Variants in CALN1 observed in about 807,000 individuals in gnomAD.
The protein encoded by CALN1 is calcium-binding protein 8.
Under a neutral mutation model 30.6 loss-of-function variants are expected in CALN1, and 17 were observed. The observed-to-expected ratio is 0.56, with a 90% CI of 0.38 to 0.83. The LOEUF (loss-of-function observed/expected upper bound fraction) is 0.83, where lower values mean the gene tolerates loss of function less well. Among genes scored for constraint, CALN1 ranks in the 40% least tolerant of loss-of-function variants. CALN1 has a pLI of 0.00. For synonymous variants in CALN1, 156 were observed against 131.4 expected (o/e 1.19, Z -1.28); for missense variants, 291 against 354.9 (o/e 0.82, Z 1.45).
intron 3 of CALN1, among the ~76,000 whole-genome samples, chr7:72,182,207 G>A (rs986413008): frequency 1.3e-5 from 2 of 152,076 alleles, no homozygotes; most frequent in East Asian, 1.9e-4. Context: ...CAGCTGGATC[G>A]CTCAGCCTTG....
intron 2 of CALN1, among the ~76,000 whole-genome samples, chr7:72,356,771 A>C (rs1019187028): frequency 4.6e-5 from 7 of 152,076 alleles, no homozygotes; most frequent in African/African-American, 1.7e-4. Flanking sequence ...TAAGAGAAGA[A>C]AATCAAAATA....
intron 3 of CALN1, among the ~76,000 whole-genome samples, chr7:72,147,485 G>GTGGAGAAATAGGAACACGT (rs1786849775): frequency 4.5e-5 from 4 of 88,818 alleles, no homozygotes; most frequent in African/African-American, 8.6e-5. Context: ...GGAGAGGACT[G>GTGGAGAAATAGGAACACGT]TTACACTGTT....
chr7:72,191,739 C>A (rs1301996679), intron 3 of CALN1, among the ~76,000 whole-genome samples: 1 of 151,992 alleles, frequency 6.6e-6, no homozygotes, highest in Non-Finnish European at 1.5e-5. Flanking sequence ...TGGCTTAAAA[C>A]CACACAAGTT....
intron 2 of CALN1, among the ~76,000 whole-genome samples, chr7:72,373,595 A>G (rs1023863803): frequency 1.3e-5 from 2 of 152,232 alleles, no homozygotes; most frequent in African/African-American, 2.4e-5. Flanking sequence ...ATAGGCTAAT[A>G]TAAGTTTTCT....
chr7:72,350,458 G>C (rs2129559248), intron 2 of CALN1, among the ~76,000 whole-genome samples: 1 of 152,314 alleles, frequency 6.6e-6, no homozygotes, highest in African/African-American at 2.4e-5. Context: ...CCATAAAAAA[G>C]AATGAGATCA....
intron 5 of CALN1, among the ~76,000 whole-genome samples, chr7:71,845,514 T>C (rs529782969): frequency 1.1e-3 from 168 of 152,306 alleles, no homozygotes; most frequent in African/African-American, 3.8e-3. Context: ...CCTCTTCTAC[T>C]TTGCCCTCTG....
At chr7:72,250,517 G>T (rs1795479913) in intron 3 of CALN1, among the ~76,000 whole-genome samples, 1 of 152,142 alleles carries the variant, frequency 6.6e-6, no homozygotes, top group Non-Finnish European at 1.5e-5. Context: ...CTGACATATA[G>T]TTCAGATGTC....
intron 5 of CALN1, among the ~76,000 whole-genome samples, chr7:71,841,622 C>T (rs1427627394): frequency 1.3e-5 from 2 of 152,126 alleles, no homozygotes; most frequent in East Asian, 1.9e-4. Flanking sequence ...AGATGGTGGA[C>T]TGGATAAAGA....
chr7:72,437,104 T>C (rs1454481899), intron 1 of CALN1, among the ~76,000 whole-genome samples: 1 of 151,566 alleles, frequency 6.6e-6, no homozygotes, highest in Non-Finnish European at 1.5e-5. Context: ...TAGATGATTT[T>C]GGTGCTTGCT....
At chr7:71,914,860 C>G (rs1432274856) in intron 5 of CALN1, among the ~76,000 whole-genome samples, 2 of 152,140 alleles carry the variant, frequency 1.3e-5, no homozygotes, top group African/African-American at 4.8e-5. Flanking sequence ...TGAAAAGTGT[C>G]TGTTCATGTC....
chr7:72,474,757 C>T, the CALN1 span, among the ~76,000 whole-genome samples: 34 of 152,188 alleles, frequency 2.2e-4, no homozygotes, highest in South Asian at 2.3e-3. Flanking sequence ...TTGGGCAGGA[C>T]ATATAAAGCC....
intron 3 of CALN1, among the ~76,000 whole-genome samples, chr7:72,246,106 T>A (rs952690917): frequency 6.6e-6 from 1 of 152,170 alleles, no homozygotes; most frequent in Non-Finnish European, 1.5e-5. Flanking sequence ...TCCAGACACT[T>A]TATTATGATA....
chr7:71,907,384 G>A (rs1195342837), intron 5 of CALN1, among the ~76,000 whole-genome samples: 1 of 152,104 alleles, frequency 6.6e-6, no homozygotes, highest in Non-Finnish European at 1.5e-5. Context: ...CAAATTGGGG[G>A]CCATGTGCAC....
intron 2 of CALN1, among the ~76,000 whole-genome samples, chr7:72,340,615 G>A (rs7786833): frequency 0.37 from 55,993 of 152,018 alleles, 11,122 homozygotes; most frequent in Admixed American, 0.44. Flanking sequence ...TACTGCACTG[G>A]GTGAGCAGCC....
At chr7:72,260,778 A>G (rs1362151840) in intron 3 of CALN1, among the ~76,000 whole-genome samples, 1 of 151,836 alleles carries the variant, frequency 6.6e-6, no homozygotes, top group East Asian at 1.9e-4. Flanking sequence ...CCCTTTTCCC[A>G]CTTCCCCCCA....
chr7:71,871,083 A>G (rs7349979), intron 5 of CALN1, among the ~76,000 whole-genome samples: 37,477 of 152,096 alleles, frequency 0.25, 4,968 homozygotes, highest in African/African-American at 0.32. Context: ...GCAAAATTGC[A>G]GGGAGGCAGA....
At chr7:72,029,220 G>A (rs905278513) in intron 4 of CALN1, among the ~76,000 whole-genome samples, 3 of 151,768 alleles carry the variant, frequency 2.0e-5, no homozygotes, top group South Asian at 2.1e-4. Flanking sequence ...TCCGCCTCCC[G>A]GGTTCACGCC....
At chr7:72,386,794 C>A (rs1018261131) in intron 2 of CALN1, among the ~76,000 whole-genome samples, 1 of 152,096 alleles carries the variant, frequency 6.6e-6, no homozygotes, top group Non-Finnish European at 1.5e-5. Context: ...TGCCACCACA[C>A]CTAGCTAATT....
intron 5 of CALN1, among the ~76,000 whole-genome samples, chr7:71,899,197 G>A (rs1638309403): frequency 6.7e-6 from 1 of 148,656 alleles, no homozygotes; most frequent in Admixed American, 6.7e-5. Context: ...AGGCTGGAGT[G>A]TAATGGCGCG....
Sources: allele counts gnomAD v4.1 joint callset (sites outside exome capture counted in the v4.1 genomes callset), GRCh38; gene constraint gnomAD v4.1.1; transcripts MANE v1.5; gene names NCBI Gene and HGNC (gene_info 2026-07-23, HGNC 2026-07-21).